Variants in SYN1 observed in about 807,000 individuals in gnomAD.
SYN1 encodes synapsin I, also known as synapsin-1.
SYN1 carries 8 observed loss-of-function variants against 44.6 expected under a neutral mutation model. The ratio of observed to expected loss-of-function variants is 0.18; its 90% CI spans 0.11 to 0.32. SYN1 has a LOEUF of 0.32. Ranked by LOEUF, SYN1 falls within the 10% of genes least tolerant of loss-of-function variation. The pLI, the probability that SYN1 is intolerant of heterozygous loss-of-function variation, is 1.00. For synonymous variants in SYN1, 275 were observed against 280.1 expected, an observed-to-expected ratio of 0.98 and a Z score of 0.18; for missense variants, 451 against 639.4, an observed-to-expected ratio of 0.71 and a Z score of 3.18.
intron 1 of SYN1, among the ~76,000 whole-genome samples, chrX:47,612,764 A>T (rs1050733811): frequency 8.9e-5 from 10 of 112,018 alleles, no homozygotes; most frequent in Non-Finnish European, 1.7e-4. Flanking sequence ...GGGCCTGGAA[A>T]TAAAAAGACT....
chrX:47,593,010 G>T (rs1165888564), intron 5 of SYN1, among the ~76,000 whole-genome samples: 5 of 109,956 alleles, frequency 4.5e-5, no homozygotes, highest in Non-Finnish European at 9.5e-5. Flanking sequence ...GAGTAGCTGG[G>T]ACTACAAGGG....
intron 1 of SYN1, among the ~76,000 whole-genome samples, chrX:47,614,240 C>T (rs2057924940): frequency 9.0e-6 from 1 of 111,318 alleles, no homozygotes; most frequent in Admixed American, 9.5e-5. Flanking sequence ...ATGTCTGGCA[C>T]CCAGGGGATC....
chrX:47,612,674 T>A (rs1278921692), intron 1 of SYN1, among the ~76,000 whole-genome samples: 1 of 112,104 alleles, frequency 8.9e-6, no homozygotes, highest in Non-Finnish European at 1.9e-5. Context: ...ATCTCCTTTG[T>A]GCAGAAAGAG....
In SYN1 at chrX:47,578,682, C is replaced by G. The variant is rs934024007; in HGVS notation, c.775-1181G>C. Among the ~76,000 whole-genome samples, 22 of 111,577 alleles carry G rather than the reference C, an allele frequency of 2.0e-4. 1 individual carries two copies. Among genetic ancestry groups the G allele is most frequent in the African/African-American group, 6.9e-4 (21 of 30,625 alleles). ...AAACCAGGTTGGACGGCCCTAGGCT[C>G]CCCGCTCCCTCCACCCCCACCCCCA... On this transcript the variant is annotated intron_variant, in intron 5 of 12. Coordinates refer to ENST00000295987, the MANE Select transcript of SYN1 (RefSeq NM_006950.3).
At chrX:47,591,787 T>A (rs1198784883) in intron 5 of SYN1, among the ~76,000 whole-genome samples, 3 of 110,542 alleles carry the variant, frequency 2.7e-5, no homozygotes, top group African/African-American at 9.9e-5. Context: ...GGACAAGGGC[T>A]TACCTATAAG....
chrX:47,594,780 T>G (rs184292936), intron 5 of SYN1, among the ~76,000 whole-genome samples: 1 of 105,639 alleles, frequency 9.5e-6, no homozygotes, highest in African/African-American at 3.5e-5. Context: ...CAGGCTGGAG[T>G]GCAATGGTGT....
intron 5 of SYN1, chrX:47,586,427 C>T: frequency 1.8e-6 from 2 of 1,139,217 alleles, no homozygotes; most frequent in Non-Finnish European, 2.3e-6. Context: ...CAAGTCTCCC[C>T]AGCGGCTCAG....
In SYN1 at chrX:47,604,892, GC is replaced by G. The variant is rs3842471; in HGVS notation, c.774+85del. The G allele has an allele frequency of 0.35, 316,511 of 899,137 alleles. 39,339 individuals are homozygous for G. The highest frequency in any genetic ancestry group is 0.38 in the South Asian group (18,470 of 48,213). The allele number at this position is 899,137 out of a possible 1,213,427, so 74.1% of individuals were successfully genotyped here. A position where few individuals can be genotyped will look rare whatever the true frequency, so the allele number is the denominator to read the frequency against. ...ACACAGCAGCCACACTCTTGATATC[GC>G]ACTGCTGATAATATACCAATATTTA... On this transcript the variant is annotated intron_variant, in intron 5 of 12. Coordinates refer to ENST00000295987, the MANE Select transcript of SYN1 (RefSeq NM_006950.3).
chrX:47,603,892 A>T lies in SYN1; in HGVS notation c.774+1086T>A, dbSNP rs2313092. On this transcript the variant is annotated intron_variant, in intron 5 of 12. Transcript: ENST00000295987. The stretch of plus-strand genomic sequence containing the variant: ...GTGATAATTTGTAATATTAGTGATT[A>T]TATATATATATATATTTTTTTTTTT... 4.5e-3 allele frequency among the ~76,000 whole-genome samples: 345 copies of T among 76,960 alleles called. 4 individuals are homozygous for T. Among genetic ancestry groups the T allele is most frequent in the African/African-American group, 0.017 (328 of 19,429 alleles). The allele number at this position is 76,960 out of a possible 115,157, so 66.8% of individuals were successfully genotyped here.
In SYN1 at chrX:47,619,339, G is replaced by A. The variant is rs763283088; in HGVS notation, c.377+13C>T. On this transcript the variant is annotated intron_variant, in intron 1 of 12. Transcript: ENST00000295987. ...ACCCAGGCCCACGGGAGACGTCCGCGGCAGTGGCTTACCAGTCGGTGTGCG... is the reference window on the plus strand; with the variant it reads ...ACCCAGGCCCACGGGAGACGTCCGCAGCAGTGGCTTACCAGTCGGTGTGCG... 5.8e-6 allele frequency: 7 copies of A among 1,201,111 alleles called. No individual in the cohort carries two copies. The highest frequency in any genetic ancestry group is 3.2e-4 in the Middle Eastern group (1 of 3,111).
At chrX:47,586,691 AAT>A (rs768961836) in intron 5 of SYN1, 34 of 1,207,549 alleles carry the variant, frequency 2.8e-5, no homozygotes, top group Non-Finnish European at 3.7e-5. Flanking sequence ...AGATAGCCTG[AAT>A]CCTGCCCGGA....
At chrX:47,581,353 G>C (rs58418101) in intron 5 of SYN1, among the ~76,000 whole-genome samples, 6,256 of 112,249 alleles carry the variant, frequency 0.056, 452 homozygotes, top group African/African-American at 0.19. Flanking sequence ...GAAGGTTCCT[G>C]CATTGTCAGA....
chrX:47,581,370 GTGGGCA>G (rs2057797783), intron 5 of SYN1, among the ~76,000 whole-genome samples: 1 of 112,327 alleles, frequency 8.9e-6, no homozygotes, highest in Non-Finnish European at 1.9e-5. Context: ...CAGAAAGCTG[GTGGGCA>G]AGGATTGCCC....
chrX:47,619,705 C>T lies in SYN1; in HGVS notation c.24G>A (p.Leu8=). ...GATTGGCCATAAAGTTGCTGTCCGA[C>T]AGGCGGCGCCGCAGGTAGTTCATGG... MNYLRRR[L]SDSNFMANLP... The change falls in exon 1 of 13, where the codon CTG becomes CTA. Residue 8 remains leucine (L), a synonymous_variant. Coordinates refer to ENST00000295987, the MANE Select transcript of SYN1 (RefSeq NM_006950.3). 8.5e-7 allele frequency: 1 copy of T among 1,171,021 alleles called. No individual in the cohort carries two copies. Among genetic ancestry groups the T allele is most frequent in the Non-Finnish European group, 1.1e-6 (1 of 874,473 alleles).
rs1938913278 is a variant in SYN1, at chrX:47,572,361, T to C, written c.*503A>G. On this transcript the variant is annotated 3_prime_UTR_variant, in exon 13 of 13. Coordinates refer to ENST00000295987, the MANE Select transcript of SYN1 (RefSeq NM_006950.3). ...AGGTGTTGGGTGGCATTTGAAGATGTGGATCTTCAGAGGGATGGAAGATCC... is the reference window on the plus strand; with the variant it reads ...AGGTGTTGGGTGGCATTTGAAGATGCGGATCTTCAGAGGGATGGAAGATCC... 8.4e-6 allele frequency: 1 copy of C among 118,734 alleles called. No homozygotes were observed. The highest frequency in any genetic ancestry group is 3.3e-5 in the African/African-American group (1 of 30,484). The allele number at this position is 118,734 out of a possible 1,213,427, so 9.8% of individuals were successfully genotyped here.
At chrX:47,597,543 A>G (rs939575228) in intron 5 of SYN1, among the ~76,000 whole-genome samples, 1 of 109,933 alleles carries the variant, frequency 9.1e-6, no homozygotes, top group Non-Finnish European at 1.9e-5. Flanking sequence ...GTGGAACACC[A>G]TGAAGCATAT....
At chrX:47,584,451 G>A (rs917871545) in intron 5 of SYN1, among the ~76,000 whole-genome samples, 2 of 111,968 alleles carry the variant, frequency 1.8e-5, no homozygotes, top group African/African-American at 6.5e-5. Context: ...GGGCCTAGGA[G>A]GAGGTTCAGG....
chrX:47,613,888 C>T (rs1456606237), intron 1 of SYN1, among the ~76,000 whole-genome samples: 1 of 111,837 alleles, frequency 8.9e-6, no homozygotes, highest in African/African-American at 3.3e-5. Flanking sequence ...ATTGTAGGTG[C>T]TGTGTTCCTA....
chrX:47,592,739 A>T (rs1255157353), intron 5 of SYN1, among the ~76,000 whole-genome samples: 2 of 111,480 alleles, frequency 1.8e-5, no homozygotes, highest in East Asian at 5.6e-4. Context: ...TGTTGATCTT[A>T]TCCCAAAATA....
Sources: allele counts gnomAD v4.1 joint callset (sites outside exome capture counted in the v4.1 genomes callset), GRCh38; gene constraint gnomAD v4.1.1; transcripts MANE v1.5; gene names NCBI Gene and HGNC (gene_info 2026-07-23, HGNC 2026-07-21).